The following ANKDD1A variants were observed in gnomAD, a reference collection of about 807,000 sequenced individuals.
ANKDD1A encodes ankyrin repeat and death domain containing 1A.
ANKDD1A carries 59 observed loss-of-function variants against 63.5 expected under a neutral mutation model. The observed-to-expected ratio is 0.93, with a 90% confidence interval of 0.75 to 1.15. The LOEUF (loss-of-function observed/expected upper bound fraction) is 1.15. Ranked by LOEUF, ANKDD1A falls within the 50% of genes most tolerant of loss-of-function variation. The pLI, the probability that ANKDD1A is intolerant of heterozygous loss-of-function variation, is 0.00. For synonymous variants in ANKDD1A, 266 were observed against 263.9 expected (o/e 1.01, Z -0.08); for missense variants, 632 against 656.4 (o/e 0.96, Z 0.41).
At position 64,930,268 on chromosome 15, in the gene ANKDD1A, A is replaced by T. The variant is rs573092972; in HGVS notation, c.571-554A>T. ...GAACTTAAAGTAAAATTAAAAAAAA[A>T]AAAAAAGTCAGACAATAAATACTAA... On this transcript the variant is annotated intron_variant, in intron 6 of 14. Coordinates refer to ENST00000319580, the MANE Select transcript of ANKDD1A (RefSeq NM_182703.6). 7.7e-4 allele frequency among the ~76,000 whole-genome samples: 117 copies of T among 152,278 alleles called. 1 individual carries two copies. In the East Asian group the frequency reaches 0.022, roughly 28 times the overall value.
intron 9 of ANKDD1A, among the ~76,000 whole-genome samples, chr15:64,938,893 C>T (rs2414863): frequency 0.064 from 9,675 of 150,834 alleles, 835 homozygotes; most frequent in African/African-American, 0.2. Flanking sequence ...CGCAGTGAGC[C>T]GAGATCGCGC....
intron 12 of ANKDD1A, among the ~76,000 whole-genome samples, chr15:64,945,617 T>TATATATATATATATATAC (rs1177204265): frequency 1.8e-4 from 13 of 71,278 alleles, no homozygotes; most frequent in African/African-American, 7.4e-4. Flanking sequence ...CATATATATA[T>TATATATATATATATATAC]ATATATATAT....
chr15:64,953,308 T>C, intron 14 of ANKDD1A, among the ~76,000 whole-genome samples: 1 of 150,846 alleles, frequency 6.6e-6, no homozygotes, highest in African/African-American at 2.4e-5. Flanking sequence ...CTTCTTTTAC[T>C]TTTTTCTTTC....
intron 9 of ANKDD1A, among the ~76,000 whole-genome samples, chr15:64,941,700 T>A (rs886223141): frequency 2.0e-5 from 3 of 152,198 alleles, no homozygotes; most frequent in Admixed American, 2.0e-4. Flanking sequence ...TAGTATCAAT[T>A]TTATTGGCCT....
chr15:64,953,123 TTTC>T lies in ANKDD1A; in HGVS notation c.1483+3158_1483+3160del, dbSNP rs772285316. Among the ~76,000 whole-genome samples, 443 of 141,898 alleles carry T rather than the reference TTTC, an allele frequency of 3.1e-3. 2 individuals carry two copies. Among genetic ancestry groups the T allele is most frequent in the African/African-American group, 7.7e-3 (303 of 39,606 alleles). The allele number at this position is 141,898 out of a possible 152,430, so 93.1% of individuals were successfully genotyped here. The stretch of plus-strand genomic sequence containing the variant: ...TTCTTTTCTTTCTTCCGCTTTCTAC[TTTC>T]TTCTTCCTTTTTTCTTCCTTTTTCT... On this transcript the variant is annotated intron_variant, in intron 14 of 14. Coordinates refer to ENST00000319580, the MANE Select transcript of ANKDD1A (RefSeq NM_182703.6).
chr15:64,915,252 A>C (rs12904280), intron 1 of ANKDD1A, among the ~76,000 whole-genome samples: 70,979 of 151,984 alleles, frequency 0.47, 17,458 homozygotes, highest in East Asian at 0.84. Context: ...TTGCAGTGAG[A>C]CAAGATCACG....
At chr15:64,938,464 C>G (rs543158282) in intron 9 of ANKDD1A, among the ~76,000 whole-genome samples, 113 of 152,226 alleles carry the variant, frequency 7.4e-4, no homozygotes, top group African/African-American at 2.5e-3. Flanking sequence ...AGTCTAATTC[C>G]GAGAACAACA....
At chr15:64,942,671 A>AAT in intron 10 of ANKDD1A, 106 bp downstream of exon 10, 9 of 529,218 alleles carry the variant, frequency 1.7e-5, no homozygotes, top group Non-Finnish European at 2.2e-5. Context: ...TTGAGGAATC[A>AAT]CTTTTTTTTT....
At chr15:64,920,896 A>G (rs2085002705) in intron 3 of ANKDD1A, among the ~76,000 whole-genome samples, 1 of 152,210 alleles carries the variant, frequency 6.6e-6, no homozygotes, top group Non-Finnish European at 1.5e-5. Flanking sequence ...AGTCCAGGAT[A>G]AGGTCTTCAC....
At chr15:64,953,534 C>CTTAGT (rs2085344573) in intron 14 of ANKDD1A, among the ~76,000 whole-genome samples, 1 of 70,172 alleles carries the variant, frequency 1.4e-5, no homozygotes, top group Non-Finnish European at 2.7e-5. Flanking sequence ...CCTTCTTCTC[C>CTTAGT]TCTCCTTCTT....
intron 1 of ANKDD1A, 112 bp downstream of exon 1, chr15:64,912,076 T>A: frequency 9.2e-7 from 1 of 1,082,792 alleles, no homozygotes; most frequent in Non-Finnish European, 1.2e-6. Flanking sequence ...CACCTCCGTG[T>A]GGGGCGTCTG....
At chr15:64,929,288 C>T (rs1185766136) in intron 6 of ANKDD1A, among the ~76,000 whole-genome samples, 2 of 152,168 alleles carry the variant, frequency 1.3e-5, no homozygotes, top group Non-Finnish European at 2.9e-5. Context: ...ATCCTCCTGC[C>T]TCAGTCTTTC....
intron 1 of ANKDD1A, 147 bp downstream of exon 1, chr15:64,912,111 C>G (rs1006013945): frequency 1.2e-6 from 1 of 822,406 alleles, no homozygotes; most frequent in African/African-American, 1.8e-5. Context: ...GAATGGTTAC[C>G]GGTCCGCGCA....
chr15:64,949,742 A>T, intron 13 of ANKDD1A, 99 bp from the exon 14 acceptor site: 1 of 1,521,618 alleles, frequency 6.6e-7, no homozygotes, highest in East Asian at 2.3e-5. Flanking sequence ...CCACCTGGGC[A>T]TGTTCAGGAG....
At position 64,947,572 on chromosome 15, in the gene ANKDD1A, G is replaced by A. The variant is rs751887041; in HGVS notation, c.1330G>A (p.Ala444Thr). 9.3e-6 allele frequency: 15 copies of A among 1,613,926 alleles called. No individual in the cohort carries two copies. Among genetic ancestry groups the A allele is most frequent in the East Asian group, 8.9e-5 (4 of 44,898 alleles). The change falls in exon 13 of 15, where the codon GCC becomes ACC. Residue 444 changes from alanine to threonine, a missense_variant. Ala to Thr is a moderately conservative substitution (Grantham distance 58, BLOSUM62 0). Transcript: ENST00000319580. The stretch of plus-strand genomic sequence containing the variant: ...GGAGTTCACGGAGGCACATGTCGAC[G>A]CCATCGAGCAACAGTGGACAGGTAC... ...SWEFTEAHVD[A>T]IEQQWTGTRS...
chr15:64,921,957 G>A lies in ANKDD1A; in HGVS notation c.304G>A (p.Gly102Ser), dbSNP rs199588777. 11 of 1,613,974 alleles carry A rather than the reference G, an allele frequency of 6.8e-6. No homozygotes were observed. The East Asian group carries it at 1.1e-4, about 16-fold the overall frequency. ...TGCGCTTCTCCTGTCTGCCTGGTTC[G>A]GCCACTTACGAATCCTCCAGATCTT... ...MNALLLSAWF[G>S]HLRILQILVN... Residue 102 changes from glycine to serine, a missense_variant, in exon 4 of 15, where the codon GGC (glycine) becomes AGC (serine). Coordinates refer to ENST00000319580, the MANE Select transcript of ANKDD1A (RefSeq NM_182703.6).
At chr15:64,953,414 TCCTCCC>T (rs1457548801) in intron 14 of ANKDD1A, among the ~76,000 whole-genome samples, 2 of 72,622 alleles carry the variant, frequency 2.8e-5, no homozygotes, top group African/African-American at 6.8e-5. Flanking sequence ...CTTCTCCTCC[TCCTCCC>T]TTCTTCTTCC....
chr15:64,951,784 TCTTC>T lies in ANKDD1A; in HGVS notation c.1483+1817_1483+1820del, dbSNP rs549128725. ...TTCCTTTTCTTCTTCTTTCCTTTCT[TCTTC>T]CTTCTTTCTTTCCTCTTTTCTTCTT... On this transcript the variant is annotated intron_variant, in intron 14 of 14. Transcript: ENST00000319580. 5.9e-3 allele frequency among the ~76,000 whole-genome samples: 874 copies of T among 148,686 alleles called. 45 individuals carry two copies. In the South Asian group the frequency reaches 0.12, roughly 20 times the overall value.
chr15:64,951,665 T>TC (rs2085281612), intron 14 of ANKDD1A, among the ~76,000 whole-genome samples: 2 of 107,888 alleles, frequency 1.9e-5, no homozygotes, highest in African/African-American at 5.7e-5. Flanking sequence ...CTATCTTCTT[T>TC]TTCTTTCTTT....
Sources: allele counts gnomAD v4.1 joint callset (sites outside exome capture counted in the v4.1 genomes callset), GRCh38; gene constraint gnomAD v4.1.1; transcripts MANE v1.5; gene names NCBI Gene and HGNC (gene_info 2026-07-23, HGNC 2026-07-21).